ENTPD5: variants seen among roughly 807,000 people sequenced by gnomAD.
ENTPD5 encodes the protein ectonucleoside triphosphate diphosphohydrolase 5 (inactive), also known as nucleoside diphosphate phosphatase ENTPD5.
A neutral mutation model predicts 60.2 loss-of-function variants in ENTPD5; 49 were observed. The observed-to-expected ratio is 0.81, with a 90% confidence interval of 0.65 to 1.03. The LOEUF is 1.03. Among genes scored for constraint, ENTPD5 ranks in the 50% least tolerant of loss-of-function variants. The probability of loss-of-function intolerance (pLI) is 0.00; values close to 1 mark genes in which losing one functional copy is unlikely to be tolerated. For missense variants in ENTPD5, 480 were observed against 507.6 expected (o/e 0.95, Z 0.52); for synonymous variants, 187 against 185.4 (o/e 1.01, Z -0.07).
chr14:73,965,574 T>C lies in ENTPD5; in HGVS notation c.*1354A>G. ...CCCATCTCTACTACAAATACAAAAA[T>C]TAGCCAGGAATGGTGGTGGGCACCT... is the stretch of plus-strand genomic sequence containing the variant. On this transcript the variant is annotated 3_prime_UTR_variant, in exon 16 of 16. Transcript: ENST00000334696. 6.6e-6 allele frequency: 1 copy of C among 152,042 alleles called. No homozygotes were observed. Among genetic ancestry groups the C allele is most frequent in the Non-Finnish European group, 1.5e-5 (1 of 68,016 alleles). 9.4% of individuals were successfully genotyped at this position (152,042 alleles called of 1,614,324 possible). A position where few individuals can be genotyped will look rare whatever the true frequency, so the allele number is the denominator to read the frequency against.
downstream of ENTPD5, chr14:73,958,605 C>G: frequency 7.8e-7 from 1 of 1,288,162 alleles, no homozygotes; most frequent in Non-Finnish European, 9.9e-7. Context: ...TTTCTCCTTT[C>G]TGCTCACAAG....
At chr14:73,959,315 G>A, downstream of ENTPD5, 1 of 1,614,078 alleles carries the variant, frequency 6.2e-7, no homozygotes, top group Non-Finnish European at 8.5e-7. Flanking sequence ...AAGGGAATCT[G>A]CCCAGGCTGT....
At chr14:73,987,273 A>G (rs1424101158) in intron 4 of ENTPD5, 2 of 640,044 alleles carry the variant, frequency 3.1e-6, no homozygotes, top group Admixed American at 5.0e-5. Context: ...TCTGAATATT[A>G]TGGATCCCTG....
At chr14:73,993,397 A>G (rs915436730) in intron 3 of ENTPD5, among the ~76,000 whole-genome samples, 1 of 152,216 alleles carries the variant, frequency 6.6e-6, no homozygotes, top group African/African-American at 2.4e-5. Flanking sequence ...CAGAGCTGGA[A>G]CCATCCGTTA....
chr14:73,970,130 AAG>A lies in ENTPD5; in HGVS notation c.1085-7_1085-6del, dbSNP rs1566709524. The A allele has an allele frequency of 8.1e-6, 13 of 1,596,232 alleles. No homozygotes were observed. Among genetic ancestry groups the A allele is most frequent in the Admixed American group, 1.7e-5 (1 of 59,968 alleles). On this transcript the variant is annotated splice_polypyrimidine_tract_variant and splice_region_variant and intron_variant, in intron 14 of 15. Transcript: ENST00000334696. ...AGTTTTCCAAGTTATCACACACTGA[AAG>A]AGAGAGTAAACAGTGGAGCTCAAGT...
At chr14:74,007,364 A>AC (rs2063737141) in intron 3 of ENTPD5, among the ~76,000 whole-genome samples, 1 of 148,936 alleles carries the variant, frequency 6.7e-6, no homozygotes, top group Non-Finnish European at 1.5e-5. Context: ...TACTAAAAAT[A>AC]TAAAAAATTA....
At chr14:73,970,366 G>A (rs3742811) in intron 14 of ENTPD5, among the ~76,000 whole-genome samples, 6,261 of 151,908 alleles carry the variant, frequency 0.041, 363 homozygotes, top group East Asian at 0.32. Flanking sequence ...GTGGTGTACC[G>A]CTGTAATCCC....
intron 11 of ENTPD5, 147 bp downstream of exon 11, chr14:73,974,777 G>T (rs1336678369): frequency 3.0e-6 from 2 of 676,122 alleles, no homozygotes; most frequent in Admixed American, 5.2e-5. Context: ...AAAGGAGTTT[G>T]CCATTATTAG....
At chr14:74,002,444 T>G (rs891189362) in intron 3 of ENTPD5, among the ~76,000 whole-genome samples, 1 of 151,798 alleles carries the variant, frequency 6.6e-6, no homozygotes, top group Non-Finnish European at 1.5e-5. Context: ...ATTTATTTAT[T>G]TATGTAGAGA....
rs1322681198 is a variant in ENTPD5, at chr14:73,983,078, TAG to T, written c.379_380del (p.Leu127LysfsTer20). On this transcript the variant is annotated frameshift_variant, in exon 6 of 16. Coordinates refer to ENST00000334696, the MANE Select transcript of ENTPD5 (RefSeq NM_001249.5). LOFTEE classifies it high-confidence loss of function. ...RSHWKKTPVV[L>X]KATAGLRLLP... The stretch of plus-strand genomic sequence containing the variant: ...GTAAGCGTAGTCCTGCTGTTGCCTT[TAG>T]GACCACTGGGGTCTTTTTCCAGTGA... The T allele has an allele frequency of 6.2e-7, 1 of 1,614,072 alleles. No homozygotes were observed.
intron 3 of ENTPD5, among the ~76,000 whole-genome samples, chr14:73,989,832 C>CAAAAA (rs57558687): frequency 0.012 from 648 of 52,318 alleles, 33 homozygotes; most frequent in African/African-American, 0.052. Flanking sequence ...GACTCAGTCT[C>CAAAAA]AAAAAAAAAA....
At chr14:74,005,951 T>C (rs1035848334) in intron 3 of ENTPD5, among the ~76,000 whole-genome samples, 1 of 152,198 alleles carries the variant, frequency 6.6e-6, no homozygotes, top group Non-Finnish European at 1.5e-5. Context: ...ACTCACACAA[T>C]GTACTTCTTG....
intron 1 of ENTPD5, among the ~76,000 whole-genome samples, chr14:74,017,439 G>T (rs2059056795): frequency 6.7e-6 from 1 of 150,170 alleles, no homozygotes; most frequent in East Asian, 2.0e-4. Flanking sequence ...ATTAGCCAGG[G>T]ATGGTGGTGT....
chr14:73,981,167 T>C (rs1043010631), intron 6 of ENTPD5, among the ~76,000 whole-genome samples: 2 of 151,986 alleles, frequency 1.3e-5, no homozygotes, highest in African/African-American at 4.8e-5. Flanking sequence ...CAAAACTCTC[T>C]ATACTTAAAT....
At chr14:73,979,018 C>T (rs1456085005) in intron 6 of ENTPD5, among the ~76,000 whole-genome samples, 2 of 151,908 alleles carry the variant, frequency 1.3e-5, no homozygotes, top group African/African-American at 4.8e-5. Flanking sequence ...GCCTCCTTAC[C>T]TCTCATATCG....
rs780756366 is a variant in ENTPD5, at chr14:74,014,246, C to T, written c.-131+1578G>A. On this transcript the variant is annotated intron_variant, in intron 2 of 15. Coordinates refer to ENST00000334696, the MANE Select transcript of ENTPD5 (RefSeq NM_001249.5). Reference sequence around the variant, plus strand: ...CTCAGGAGCTTAAGTTCAGCCTGGACAACATAACAAAACCCCATTTCAAAA... The same window carrying T: ...CTCAGGAGCTTAAGTTCAGCCTGGATAACATAACAAAACCCCATTTCAAAA... Among the ~76,000 whole-genome samples the T allele has an allele frequency of 7.9e-5, 12 of 152,102 alleles. 1 individual carries two copies. The highest frequency in any genetic ancestry group is 1.2e-4 in the Non-Finnish European group (8 of 68,016).
rs2057975940 is a variant in ENTPD5 at position 73,988,032 on chromosome 14, C to T, written c.71G>A (p.Arg24Lys). Residue 24 changes from arginine (R) to lysine (K), a missense_variant, in exon 4 of 16, where the codon AGG becomes AAG. Physicochemically the swap from Arg to Lys is conservative, Grantham distance 26. Coordinates refer to ENST00000334696, the MANE Select transcript of ENTPD5 (RefSeq NM_001249.5). ...VSCVCSAVSH[R>K]NQQTWFEGIF... is the part of the protein sequence containing the mutation. The stretch of plus-strand genomic sequence containing the variant: ...ACCCTCAAACCAAGTCTGCTGGTTC[C>T]TGTGGGAGACAGCGCTGCAAACACA... 1.2e-6 allele frequency: 2 copies of T among 1,614,008 alleles called. No individual in the cohort carries two copies. The highest frequency in any genetic ancestry group is 2.7e-5 in the African/African-American group (2 of 74,930).
At chr14:73,969,963 C>T in intron 15 of ENTPD5, 47 bp downstream of exon 15, 1 of 1,317,052 alleles carries the variant, frequency 7.6e-7, no homozygotes, top group Non-Finnish European at 1.1e-6. Context: ...CCTTCTCAAC[C>T]CCCACAAAAG....
chr14:73,959,579 T>C (rs750972131), downstream of ENTPD5: 4 of 1,612,900 alleles, frequency 2.5e-6, no homozygotes, highest in Non-Finnish European at 3.4e-6. Context: ...CAGAAAGGTG[T>C]TGTTTTTTTT....
Sources: gnomAD v4.1 joint callset for allele counts (sites outside exome capture counted in the v4.1 genomes callset) on GRCh38, gnomAD v4.1.1 for gene constraint, MANE v1.5 for transcripts, NCBI Gene and HGNC (gene_info 2026-07-23, HGNC 2026-07-21) for gene names.